Variants in CHRNA7 observed in about 807,000 individuals in gnomAD.
The protein encoded by CHRNA7 is neuronal acetylcholine receptor subunit alpha-7.
In CHRNA7, 17 loss-of-function variants were observed where a neutral mutation model predicts 48.0. The ratio of observed to expected loss-of-function variants is 0.35; its 90% confidence interval spans 0.24 to 0.53. CHRNA7 has a LOEUF of 0.53. Ranked by LOEUF, CHRNA7 falls within the 20% of genes least tolerant of loss-of-function variation. The probability of loss-of-function intolerance (pLI) is 0.92; values close to 1 mark genes in which losing one functional copy is unlikely to be tolerated. For missense variants in CHRNA7, 155 were observed against 577.7 expected (o/e 0.27, Z 7.50); for synonymous variants, 75 against 242.3 (o/e 0.31, Z 6.41).
At chr15:32,072,710 A>G (rs2050077159) in intron 2 of CHRNA7, among the ~76,000 whole-genome samples, 1 of 152,224 alleles carries the variant, frequency 6.6e-6, no homozygotes, top group African/African-American at 2.4e-5. Context: ...GGCTCCAGTC[A>G]TGGCACAGAG....
chr15:32,154,735 C>T (rs1344235291), intron 5 of CHRNA7, among the ~76,000 whole-genome samples: 16 of 134,284 alleles, frequency 1.2e-4, no homozygotes, highest in African/African-American at 4.8e-4. Context: ...GTTTAACTTT[C>T]TGCTCAGAGG....
chr15:32,030,558 T>A lies in CHRNA7; in HGVS notation c.-37T>A. On this transcript the variant is annotated 5_prime_UTR_variant, in exon 1 of 10. Coordinates refer to ENST00000306901, the MANE Select transcript of CHRNA7 (RefSeq NM_000746.6). The stretch of plus-strand genomic sequence containing the variant: ...GCAGGCCCGGGCGACAGCCGAGACG[T>A]GGAGCGCGCCGGCTCGCTGCAGCTC... 6.9e-7 allele frequency: 1 copy of A among 1,456,842 alleles called. No individual in the cohort carries two copies. Among genetic ancestry groups the A allele is most frequent in the East Asian group, 3.0e-5 (1 of 33,356 alleles). The allele number at this position is 1,456,842 out of a possible 1,614,324, so 90.2% of individuals were successfully genotyped here.
At chr15:32,115,192 G>A (rs2050847639) in intron 4 of CHRNA7, among the ~76,000 whole-genome samples, 1 of 152,304 alleles carries the variant, frequency 6.6e-6, no homozygotes, top group South Asian at 2.1e-4. Flanking sequence ...AGGGCAAGAG[G>A]GAGGCCACAG....
chr15:32,033,319 C>G (rs1901933377), intron 2 of CHRNA7, among the ~76,000 whole-genome samples: 1 of 152,206 alleles, frequency 6.6e-6, no homozygotes, highest in Admixed American at 6.5e-5. Context: ...ACTGGTGATT[C>G]ACTGAAGGTC....
At chr15:32,093,928 A>G (rs1288694488) in intron 2 of CHRNA7, among the ~76,000 whole-genome samples, 1 of 152,238 alleles carries the variant, frequency 6.6e-6, no homozygotes, top group Non-Finnish European at 1.5e-5. Context: ...CAAAGAGTTC[A>G]GAATCACTCT....
At chr15:32,113,009 TG>T (rs1566847725) in intron 4 of CHRNA7, among the ~76,000 whole-genome samples, 1 of 152,208 alleles carries the variant, frequency 6.6e-6, no homozygotes, top group Admixed American at 6.5e-5. Flanking sequence ...CCCTGTTGAA[TG>T]GATCAAACAT....
At chr15:32,096,381 T>C (rs2050468811) in intron 2 of CHRNA7, among the ~76,000 whole-genome samples, 4 of 152,200 alleles carry the variant, frequency 2.6e-5, no homozygotes. Flanking sequence ...TTATTCTGGA[T>C]ATGAGTCTTT....
At chr15:32,136,927 G>T (rs2051272655) in intron 4 of CHRNA7, among the ~76,000 whole-genome samples, 1 of 149,562 alleles carries the variant, frequency 6.7e-6, no homozygotes, top group African/African-American at 2.5e-5. Context: ...AGCTACTTGG[G>T]AGGCTGAGGC....
intron 3 of CHRNA7, among the ~76,000 whole-genome samples, chr15:32,104,669 G>A (rs181717086): frequency 6.6e-5 from 10 of 152,230 alleles, no homozygotes; most frequent in East Asian, 5.8e-4. Flanking sequence ...AACTTTTGCC[G>A]AATGAGAGAA....
intron 2 of CHRNA7, among the ~76,000 whole-genome samples, chr15:32,093,876 C>T (rs1015494811): frequency 6.6e-6 from 1 of 152,134 alleles, no homozygotes; most frequent in African/African-American, 2.4e-5. Context: ...AATCAGTGTT[C>T]TCGAACTGTG....
At chr15:32,135,183 C>T (rs1164321088) in intron 4 of CHRNA7, among the ~76,000 whole-genome samples, 1 of 152,190 alleles carries the variant, frequency 6.6e-6, no homozygotes, top group Non-Finnish European at 1.5e-5. Context: ...GGGATAGGTG[C>T]TCCCATACAC....
intron 2 of CHRNA7, among the ~76,000 whole-genome samples, chr15:32,048,172 G>T (rs2049590173): frequency 6.6e-6 from 1 of 152,200 alleles, no homozygotes; most frequent in South Asian, 2.1e-4. Context: ...GTATCAGAAT[G>T]ATGCTGGCCT....
chr15:32,139,116 C>A (rs1479983736), intron 4 of CHRNA7, among the ~76,000 whole-genome samples: 1 of 152,186 alleles, frequency 6.6e-6, no homozygotes, highest in Non-Finnish European at 1.5e-5. Flanking sequence ...TGGAATCTTA[C>A]AGTCTGTAAT....
At chr15:32,083,813 A>G (rs1056441444) in intron 2 of CHRNA7, among the ~76,000 whole-genome samples, 3 of 152,196 alleles carry the variant, frequency 2.0e-5, no homozygotes, top group Admixed American at 6.5e-5. Flanking sequence ...AAAAGTTCCA[A>G]CGCAATTTGG....
chr15:32,062,039 T>A (rs975957647), intron 2 of CHRNA7, among the ~76,000 whole-genome samples: 1 of 152,248 alleles, frequency 6.6e-6, no homozygotes, highest in Non-Finnish European at 1.5e-5. Context: ...CTGAGATAAT[T>A]CTGTGAGGAT....
chr15:32,132,220 C>T (rs543836802), intron 4 of CHRNA7, among the ~76,000 whole-genome samples: 4 of 152,162 alleles, frequency 2.6e-5, no homozygotes, highest in East Asian at 1.9e-4. Context: ...GACCATTTGG[C>T]GAGAGAGGGC....
In CHRNA7 at chr15:32,170,272, T is replaced by TGTAA. The variant is rs957875005; in HGVS notation, c.*1817_*1820dup. On this transcript the variant is annotated 3_prime_UTR_variant, in exon 10 of 10. Coordinates refer to ENST00000306901, the MANE Select transcript of CHRNA7 (RefSeq NM_000746.6). Reference sequence around the variant, plus strand: ...TGCGTGTGTGCGGTGTGTGTGTGTGTGTAAGTGTGAGGTACCTTGTGTGTG... The same window carrying TGTAA: ...TGCGTGTGTGCGGTGTGTGTGTGTGTGTAAGTAAGTGTGAGGTACCTTGTGTGTG... The TGTAA allele has an allele frequency of 2.5e-5, 3 of 122,088 alleles. No homozygotes were observed. Among genetic ancestry groups the TGTAA allele is most frequent in the African/African-American group, 9.8e-5 (3 of 30,674 alleles). The allele number at this position is 122,088 out of a possible 1,614,324, so 7.6% of individuals were successfully genotyped here.
At chr15:32,033,426 G>A (rs923017323) in intron 2 of CHRNA7, among the ~76,000 whole-genome samples, 4 of 152,166 alleles carry the variant, frequency 2.6e-5, no homozygotes, top group African/African-American at 7.2e-5. Flanking sequence ...TGTGATTAGA[G>A]GTAGGGCTAT....
chr15:32,064,730 A>T (rs920006981), intron 2 of CHRNA7, among the ~76,000 whole-genome samples: 3 of 152,128 alleles, frequency 2.0e-5, no homozygotes, highest in African/African-American at 7.2e-5. Flanking sequence ...TCTGGAAACC[A>T]AAACAAGGGA....
Sources: gnomAD v4.1 joint callset for allele counts (sites outside exome capture counted in the v4.1 genomes callset) on GRCh38, gnomAD v4.1.1 for gene constraint, MANE v1.5 for transcripts, NCBI Gene and HGNC (gene_info 2026-07-23, HGNC 2026-07-21) for gene names.